SETD1A: variants seen among roughly 807,000 people sequenced by gnomAD.
SETD1A encodes the protein SET domain containing 1A, histone lysine methyltransferase.
Under a neutral mutation model 149.9 loss-of-function variants are expected in SETD1A, and 29 were observed. The observed-to-expected ratio is 0.19, with a 90% CI of 0.14 to 0.26. The LOEUF is 0.26. Ranked by LOEUF, SETD1A falls within the 10% of genes least tolerant of loss-of-function variation. The probability of loss-of-function intolerance (pLI) is 1.00; values close to 1 mark genes in which losing one functional copy is unlikely to be tolerated. For synonymous variants in SETD1A, 1,141 were observed against 968.5 expected (o/e 1.18, Z -3.31); for missense variants, 2,109 against 2,353.1 (o/e 0.90, Z 2.15).
In SETD1A at chr16:30,974,235, G is replaced by A. The variant is rs777866745; in HGVS notation, c.3358+2516G>A. On this transcript the variant is annotated intron_variant, in intron 13 of 18. Transcript: ENST00000262519. ...AGGAAGAAAACTGATGAGTGTAGTTGAGGTTGCATTTGAGGTGCCCCTTGG... is the reference window on the plus strand; with the variant it reads ...AGGAAGAAAACTGATGAGTGTAGTTAAGGTTGCATTTGAGGTGCCCCTTGG... Among the ~76,000 whole-genome samples the A allele has an allele frequency of 9.3e-4, 142 of 152,086 alleles. 2 individuals are homozygous for A. Among genetic ancestry groups the A allele is most frequent in the Non-Finnish European group, 1.6e-3 (106 of 67,986 alleles).
Position 30,979,889 on chromosome 16 carries a change from A to C in SETD1A, c.4103A>C (p.Glu1368Ala), listed in dbSNP as rs2056344156. 1.3e-6 allele frequency: 2 copies of C among 1,534,518 alleles called. No homozygotes were observed. Among genetic ancestry groups the C allele is most frequent in the Non-Finnish European group, 1.7e-6 (2 of 1,146,438 alleles). The change falls in exon 14 of 19, where the codon GAG (glutamate) becomes GCG (alanine). Residue 1368 changes from glutamate (E) to alanine (A), a missense_variant. Coordinates refer to ENST00000262519, the MANE Select transcript of SETD1A (RefSeq NM_014712.3). ...GAGGGCGAAGAGGAGGGGGAGGAAG[A>C]GGGGGAGGAAGAGGAGGAGGAGTCC... The part of the protein sequence containing the change: ...REEGEEEGEE[E>A]GEEEEEESSD...
chr16:30,972,572 A>T (rs1017999318), intron 13 of SETD1A, among the ~76,000 whole-genome samples: 1 of 151,176 alleles, frequency 6.6e-6, no homozygotes, highest in Admixed American at 6.6e-5. Flanking sequence ...CAGGAGGCAG[A>T]GGCTTGCAGT....
rs2056199846 is a variant in SETD1A at position 30,969,634 on chromosome 16, TGAA to T, written c.2964_2966del (p.Glu988del). ...AGGATGACGAGGAAGATGAGGAAGA[TGAA>T]GATCGAGAGGAAGCTGTGGATACCA... On this transcript the variant is annotated inframe_deletion, in exon 12 of 19. Coordinates refer to ENST00000262519, the MANE Select transcript of SETD1A (RefSeq NM_014712.3). The T allele has an allele frequency of 6.2e-7, 1 of 1,614,140 alleles. No individual in the cohort carries two copies. The highest frequency in any genetic ancestry group is 1.3e-5 in the African/African-American group (1 of 75,048).
At chr16:30,978,391 A>G (rs2056314219) in intron 13 of SETD1A, among the ~76,000 whole-genome samples, 1 of 151,920 alleles carries the variant, frequency 6.6e-6, no homozygotes, top group Non-Finnish European at 1.5e-5. Context: ...TGGCTCTGAG[A>G]GCCTCATGCA....
In SETD1A at chr16:30,983,845, C is replaced by A. The variant is rs370481752; in HGVS notation, c.4951-5C>A. On this transcript the variant is annotated splice_region_variant and splice_polypyrimidine_tract_variant and intron_variant, in intron 18 of 18. Transcript: ENST00000262519. The surrounding 1 kb of genome is among the most constrained non-coding windows in gnomAD (Gnocchi z 6.8). ...GCCACGGCTCACACGCCCTTCCATC[C>A]GCAGCCTAACTGCTACGCCAAGGTC... The A allele has an allele frequency of 6.2e-7, 1 of 1,609,546 alleles. No homozygotes were observed. The highest frequency in any genetic ancestry group is 8.5e-7 in the Non-Finnish European group (1 of 1,177,296).
rs375786185 is a variant in SETD1A at position 30,969,473 on chromosome 16, G to A, written c.2928+11G>A. On this transcript the variant is annotated intron_variant, in intron 11 of 18. Transcript: ENST00000262519. Reference sequence around the variant, plus strand: ...TCCTCCTCGGAGAAGGTGAGGGCCCGGGCGCCGGCTCCTGGCCGAAGCCTA... The same window carrying A: ...TCCTCCTCGGAGAAGGTGAGGGCCCAGGCGCCGGCTCCTGGCCGAAGCCTA... 1.9e-6 allele frequency: 3 copies of A among 1,603,690 alleles called. No homozygotes were observed. Among genetic ancestry groups the A allele is most frequent in the East Asian group, 2.3e-5 (1 of 44,408 alleles).
At chr16:30,963,618 AG>A in intron 5 of SETD1A, 64 bp downstream of exon 5, 1 of 1,532,550 alleles carries the variant, frequency 6.5e-7, no homozygotes, top group Admixed American at 2.1e-5. Context: ...TGCCCGGAGC[AG>A]GAGCAGTCTT....
At chr16:30,970,754 G>A (rs2056214372) in intron 12 of SETD1A, among the ~76,000 whole-genome samples, 2 of 152,088 alleles carry the variant, frequency 1.3e-5, no homozygotes, top group African/African-American at 4.8e-5. Flanking sequence ...CAACACCATG[G>A]GCCGTTTATC....
Position 30,971,592 on chromosome 16 carries a change from C to T in SETD1A, c.3231C>T (p.Ala1077=), listed in dbSNP as rs750676820. 11 of 1,613,954 alleles carry T rather than the reference C, an allele frequency of 6.8e-6. No homozygotes were observed. The highest frequency in any genetic ancestry group is 9.3e-6 in the Non-Finnish European group (11 of 1,179,976). The change falls in exon 13 of 19, where the codon GCC becomes GCT. Residue 1077 remains alanine, a synonymous_variant. Transcript: ENST00000262519. ...EEERPAALPS[A]SPPPREVPVP... ...AGCGGCCAGCAGCCCTTCCCTCAGC[C>T]TCCCCGCCCCCCAGAGAAGTCCCAG...
Position 30,979,519 on chromosome 16 carries a change from G to T in SETD1A, c.3733G>T (p.Ala1245Ser). 1 of 1,607,156 alleles carries T rather than the reference G, an allele frequency of 6.2e-7. No individual in the cohort carries two copies. Among genetic ancestry groups the T allele is most frequent in the Non-Finnish European group, 8.5e-7 (1 of 1,177,804 alleles). Residue 1245 changes from alanine (A) to serine (S), a missense_variant, in exon 14 of 19, where the codon GCT becomes TCT. Ala to Ser is a moderately conservative substitution (Grantham distance 99, BLOSUM62 1). Transcript: ENST00000262519. ...GRGRLTEEEE[A>S]EPGTEVDLAV... ...AGGCCGCCTCACCGAGGAAGAGGAG[G>T]CTGAGCCAGGGACAGAGGTGGACCT... is the stretch of plus-strand genomic sequence containing the variant.
In SETD1A at chr16:30,963,440, A is replaced by G. The variant is rs773177197; in HGVS notation, c.525A>G (p.Gln175=). 1.1e-5 allele frequency: 18 copies of G among 1,606,694 alleles called. No homozygotes were observed. In the East Asian group the frequency reaches 1.1e-4, roughly 10 times the overall value. The stretch of plus-strand genomic sequence containing the variant: ...CCATTTCCCTCCCTCCAGGACAACA[A>G]CGAATGAAATACTATGAACTAATTG... ...IHAQLDIKGQ[Q]RMKYYELIVN... Residue 175 remains glutamine (Q), a synonymous_variant, in exon 5 of 19, where the codon CAA becomes CAG. Transcript: ENST00000262519.
At chr16:30,958,396 G>T in intron 1 of SETD1A, 1 of 234,034 alleles carries the variant, frequency 4.3e-6, no homozygotes, top group Non-Finnish European at 8.4e-6. Context: ...TGAGGAGGCG[G>T]GAGGGGGCGG....
rs1392189276 is a variant in SETD1A, at chr16:30,964,833, C to G, written c.1091C>G (p.Ala364Gly). ...SSSSQFRSSD[A>G]NYPAYYESWN... is the part of the protein sequence containing the mutation. ...TCCTCTCAGTTTCGTAGTTCTGATG[C>G]AAACTACCCAGCGTATTATGAAAGC... The change falls in exon 7 of 19, where the codon GCA (alanine) becomes GGA (glycine). Residue 364 changes from alanine (A) to glycine (G), a missense_variant. Physicochemically the swap from Ala to Gly is moderately conservative, Grantham distance 60 (BLOSUM62 0). Transcript: ENST00000262519. 1 of 1,614,196 alleles carries G rather than the reference C, an allele frequency of 6.2e-7. No individual in the cohort carries two copies. The highest frequency in any genetic ancestry group is 8.5e-7 in the Non-Finnish European group (1 of 1,180,022).
At chr16:30,982,329 C>G (rs527411059) in intron 17 of SETD1A, among the ~76,000 whole-genome samples, 1 of 151,884 alleles carries the variant, frequency 6.6e-6, no homozygotes, top group African/African-American at 2.4e-5. Context: ...GCTAAAACCC[C>G]GTCTCTACTA....
At chr16:30,981,500 G>A (rs994582911) in intron 17 of SETD1A, among the ~76,000 whole-genome samples, 9 of 152,130 alleles carry the variant, frequency 5.9e-5, no homozygotes, top group Non-Finnish European at 8.8e-5. Context: ...TCAGCCTCCC[G>A]AGTAGCTGGG....
Position 30,964,945 on chromosome 16 carries a change from A to G in SETD1A, c.1203A>G (p.Thr401=). The stretch of plus-strand genomic sequence containing the variant: ...CTGGAGCCCCTTTTGCTGAAAATAC[A>G]GCTGAGCGCTTCCCACCTTCTTACA... ...EPPGAPFAEN[T]AERFPPSYTS... Residue 401 remains threonine, a synonymous_variant, in exon 7 of 19, where the codon ACA becomes ACG. Coordinates refer to ENST00000262519, the MANE Select transcript of SETD1A (RefSeq NM_014712.3). 2 of 1,614,078 alleles carry G rather than the reference A, an allele frequency of 1.2e-6. No individual in the cohort carries two copies. The highest frequency in any genetic ancestry group is 1.7e-6 in the Non-Finnish European group (2 of 1,179,932).
chr16:30,964,060 A>G (rs776158907), intron 5 of SETD1A, 34 bp from the exon 6 acceptor site: 9 of 1,561,474 alleles, frequency 5.8e-6, no homozygotes, highest in South Asian at 3.3e-5. Context: ...GTTTGAGCCC[A>G]TTCCTCTCTC....
chr16:30,979,891 G>A lies in SETD1A; in HGVS notation c.4105G>A (p.Gly1369Arg), dbSNP rs781482552. 6.5e-7 allele frequency: 1 copy of A among 1,534,910 alleles called. No individual in the cohort carries two copies. Among genetic ancestry groups the A allele is most frequent in the Admixed American group, 2.0e-5 (1 of 50,934 alleles). Reference protein sequence around the residue: ...EEGEEEGEEEGEEEEEESSDS... With the variant: ...EEGEEEGEEEREEEEEESSDS... ...GGGCGAAGAGGAGGGGGAGGAAGAG[G>A]GGGAGGAAGAGGAGGAGGAGTCCTC... Residue 1369 changes from glycine to arginine, a missense_variant, in exon 14 of 19, where the codon GGG becomes AGG. This residue lies in a region of SETD1A where 832 missense variants were observed against 815.6 expected (regional missense o/e 1.02). Transcript: ENST00000262519.
intron 10 of SETD1A, among the ~76,000 whole-genome samples, chr16:30,968,471 C>T (rs969193599): frequency 2.7e-5 from 4 of 150,732 alleles, no homozygotes; most frequent in South Asian, 2.1e-4. Flanking sequence ...CAAATATATA[C>T]ACACACACAT....
Sources: gnomAD v4.1 joint callset for allele counts (sites outside exome capture counted in the v4.1 genomes callset) on GRCh38, gnomAD v4.1.1 for gene constraint, gnomAD v4.1.1 regional missense constraint, Gnocchi (gnomAD v3.1) non-coding constraint, MANE v1.5 for transcripts, NCBI Gene and HGNC (gene_info 2026-07-23, HGNC 2026-07-21) for gene names.